Variants in ADAM23 observed in about 807,000 individuals in gnomAD.
ADAM23 encodes ADAM metallopeptidase domain 23, also known as disintegrin and metalloproteinase domain-containing protein 23.
ADAM23 carries 33 observed loss-of-function variants against 120.1 expected under a neutral mutation model. The observed-to-expected ratio is 0.27, with a 90% confidence interval of 0.21 to 0.37. The LOEUF (loss-of-function observed/expected upper bound fraction) is 0.37, where lower values mean the gene tolerates loss of function less well. ADAM23 is among the 10% of genes least tolerant of loss of function. The probability of loss-of-function intolerance (pLI) is 1.00; values close to 1 mark genes in which losing one functional copy is unlikely to be tolerated. For missense variants in ADAM23, 862 were observed against 1,058.2 expected, an observed-to-expected ratio of 0.81 and a Z score of 2.57; for synonymous variants, 367 against 375.2, an observed-to-expected ratio of 0.98 and a Z score of 0.25.
At chr2:206,585,962 G>A (rs572650209) in intron 18 of ADAM23, among the ~76,000 whole-genome samples, 1 of 152,330 alleles carries the variant, frequency 6.6e-6, no homozygotes, top group East Asian at 1.9e-4. Context: ...AAGAGCATAG[G>A]TTCTATAAAG....
At chr2:206,479,037 A>G (rs1277423397) in intron 2 of ADAM23, among the ~76,000 whole-genome samples, 1 of 152,232 alleles carries the variant, frequency 6.6e-6, no homozygotes, top group Admixed American at 6.5e-5. Flanking sequence ...TGTCCCAGCT[A>G]TCTTTATATG....
At chr2:206,583,237 G>A (rs530707234) in intron 18 of ADAM23, among the ~76,000 whole-genome samples, 42 of 152,240 alleles carry the variant, frequency 2.8e-4, no homozygotes, top group African/African-American at 8.7e-4. Context: ...GGCGGATCAC[G>A]AGGTCAGGAG....
intron 3 of ADAM23, among the ~76,000 whole-genome samples, chr2:206,494,424 T>C (rs912222803): frequency 1.3e-5 from 2 of 152,200 alleles, no homozygotes; most frequent in African/African-American, 4.8e-5. Context: ...TTGCCCTCCC[T>C]GTGCACTATG....
At chr2:206,499,549 T>C (rs1207211004) in intron 3 of ADAM23, among the ~76,000 whole-genome samples, 2 of 150,296 alleles carry the variant, frequency 1.3e-5, no homozygotes, top group Admixed American at 1.3e-4. Flanking sequence ...AAATGACGAG[T>C]TAATGGGTGC....
chr2:206,508,134 A>G (rs1249174375), intron 3 of ADAM23, among the ~76,000 whole-genome samples: 1 of 151,948 alleles, frequency 6.6e-6, no homozygotes, highest in African/African-American at 2.4e-5. Flanking sequence ...GGTTCACGCC[A>G]TTCTCCTGCC....
At chr2:206,536,492 T>C (rs1469877517) in intron 4 of ADAM23, among the ~76,000 whole-genome samples, 1 of 152,076 alleles carries the variant, frequency 6.6e-6, no homozygotes, top group Admixed American at 6.5e-5. Flanking sequence ...AAGTTGCAGT[T>C]ATATAGGCTC....
At chr2:206,604,565 G>A (rs1307627577) in intron 24 of ADAM23, among the ~76,000 whole-genome samples, 2 of 151,938 alleles carry the variant, frequency 1.3e-5, no homozygotes, top group South Asian at 2.1e-4. Flanking sequence ...CTTTTTGTTT[G>A]TTTGTTTTTT....
intron 3 of ADAM23, among the ~76,000 whole-genome samples, chr2:206,492,519 A>G (rs1696156082): frequency 6.6e-6 from 1 of 152,202 alleles, no homozygotes. Context: ...TATTGTTTAT[A>G]CAATAGAAAT....
intron 23 of ADAM23, 114 bp from the exon 24 acceptor site, chr2:206,595,937 A>G (rs1698516131): frequency 2.6e-6 from 2 of 765,074 alleles, no homozygotes; most frequent in African/African-American, 1.8e-5. Context: ...CTTTAAAAAG[A>G]AATTCCAAAT....
At chr2:206,506,323 G>A (rs1221972174) in intron 3 of ADAM23, among the ~76,000 whole-genome samples, 2 of 152,222 alleles carry the variant, frequency 1.3e-5, no homozygotes, top group African/African-American at 4.8e-5. Context: ...ATTACCACAT[G>A]CTGACCCTGG....
In ADAM23 at chr2:206,617,659, C is replaced by G. The variant is rs1270239066; in HGVS notation, c.*32C>G. ...TGCGCTGGATGGACACCGCCTTGCA[C>G]TGTTGGATTCTGGGTATGACATACT... On this transcript the variant is annotated 3_prime_UTR_variant, in exon 26 of 26. Transcript: ENST00000264377. The G allele has an allele frequency of 6.2e-7, 1 of 1,612,268 alleles. No individual in the cohort carries two copies. Among genetic ancestry groups the G allele is most frequent in the Admixed American group, 1.7e-5 (1 of 59,846 alleles).
chr2:206,509,302 T>C (rs1023442929), intron 3 of ADAM23, among the ~76,000 whole-genome samples: 2 of 152,194 alleles, frequency 1.3e-5, no homozygotes, highest in Non-Finnish European at 2.9e-5. Flanking sequence ...TTCAGAGAAC[T>C]CTGTATGTAT....
At chr2:206,472,631 G>A (rs182781891) in intron 2 of ADAM23, among the ~76,000 whole-genome samples, 72 of 145,416 alleles carry the variant, frequency 5.0e-4, no homozygotes, top group African/African-American at 1.8e-3. Flanking sequence ...AAAAAAAAGA[G>A]TACCTCAAAC....
intron 2 of ADAM23, among the ~76,000 whole-genome samples, chr2:206,475,654 A>G (rs1385370276): frequency 1.3e-5 from 2 of 151,968 alleles, no homozygotes; most frequent in South Asian, 2.1e-4. Flanking sequence ...CAGCAGCTCA[A>G]CCCATGATGA....
chr2:206,594,802 G>A lies in ADAM23; in HGVS notation c.2144G>A (p.Gly715Asp). ...TATGTAGAAGATGGAACGCCATGTG[G>A]CCCGTCTATGATGTGTTTAGATCGG... ...VGYVEDGTPCGPSMMCLDRKC... is the reference protein window; with the variant it reads ...VGYVEDGTPCDPSMMCLDRKC... Residue 715 changes from glycine (G) to aspartate (D), a missense_variant, in exon 23 of 26, where the codon GGC (glycine) becomes GAC (aspartate). By Grantham distance (94) the Gly-to-Asp change is moderately conservative (BLOSUM62 -1). Coordinates refer to ENST00000264377, the MANE Select transcript of ADAM23 (RefSeq NM_003812.4). The A allele has an allele frequency of 6.2e-7, 1 of 1,614,178 alleles. No individual in the cohort carries two copies. The highest frequency in any genetic ancestry group is 2.2e-5 in the East Asian group (1 of 44,886).
chr2:206,560,327 C>G (rs1199345847), intron 11 of ADAM23, among the ~76,000 whole-genome samples: 1 of 151,646 alleles, frequency 6.6e-6, no homozygotes, highest in African/African-American at 2.4e-5. Context: ...CCTTTAGAGC[C>G]CATAACTTCC....
chr2:206,614,504 A>G (rs1698897165), intron 25 of ADAM23, among the ~76,000 whole-genome samples: 1 of 151,816 alleles, frequency 6.6e-6, no homozygotes, highest in Non-Finnish European at 1.5e-5. Flanking sequence ...AAAATACAAA[A>G]ATTAACCGGG....
intron 2 of ADAM23, among the ~76,000 whole-genome samples, chr2:206,477,895 A>ATAT (rs1553548627): frequency 0.013 from 1,304 of 101,890 alleles, 9 homozygotes; most frequent in Middle Eastern, 0.029. Flanking sequence ...AAAAAAAAAA[A>ATAT]AAATATATAT....
chr2:206,565,682 C>T (rs1004021264), intron 14 of ADAM23, among the ~76,000 whole-genome samples: 1 of 152,172 alleles, frequency 6.6e-6, no homozygotes, highest in African/African-American at 2.4e-5. Flanking sequence ...GGGACCCCTG[C>T]CTCATGGGAG....
Sources: gnomAD v4.1 joint callset for allele counts (sites outside exome capture counted in the v4.1 genomes callset) on GRCh38, gnomAD v4.1.1 for gene constraint, MANE v1.5 for transcripts, NCBI Gene and HGNC (gene_info 2026-07-23, HGNC 2026-07-21) for gene names.